The following SCAPER variants were observed in gnomAD, a reference collection of about 807,000 sequenced individuals.
SCAPER encodes the protein S-phase cyclin A associated protein in the ER.
Under a neutral mutation model 182.2 loss-of-function variants are expected in SCAPER, and 98 were observed. The ratio of observed to expected loss-of-function variants is 0.54; its 90% CI spans 0.46 to 0.64. The LOEUF (loss-of-function observed/expected upper bound fraction) is 0.64. SCAPER is among the 30% of genes least tolerant of loss of function. SCAPER has a pLI of 0.00. For missense variants in SCAPER, 1,432 were observed against 1,690.0 expected (o/e 0.85, Z 2.68); for synonymous variants, 605 against 564.6 (o/e 1.07, Z -1.01).
chr15:76,844,108 G>A (rs1225370199), intron 4 of SCAPER, among the ~76,000 whole-genome samples: 2 of 152,030 alleles, frequency 1.3e-5, no homozygotes, highest in African/African-American at 4.8e-5. Flanking sequence ...ATTCTTAATC[G>A]GGTAACTATA....
chr15:76,424,170 A>G (rs1000580477), intron 26 of SCAPER, among the ~76,000 whole-genome samples: 1 of 152,088 alleles, frequency 6.6e-6, no homozygotes, highest in Non-Finnish European at 1.5e-5. Context: ...ATTCCTGGAT[A>G]TCCTTGTTAA....
At chr15:76,717,253 T>C (rs935531382) in intron 17 of SCAPER, among the ~76,000 whole-genome samples, 1 of 151,336 alleles carries the variant, frequency 6.6e-6, no homozygotes, top group Non-Finnish European at 1.5e-5. Flanking sequence ...GTTGAAGGAA[T>C]TCACTGACAC....
chr15:76,800,409 G>C, intron 6 of SCAPER, 45 bp from the exon 7 acceptor site: 2 of 1,206,770 alleles, frequency 1.7e-6, no homozygotes, highest in Non-Finnish European at 2.4e-6. Flanking sequence ...CAGAGAAAAG[G>C]GAGAAACAAA....
intron 8 of SCAPER, among the ~76,000 whole-genome samples, chr15:76,790,897 A>G (rs566362208): frequency 1.8e-4 from 27 of 152,296 alleles, no homozygotes; most frequent in African/African-American, 6.3e-4. Flanking sequence ...CAAAGAGTGA[A>G]TTTTAGCTTT....
At chr15:76,630,865 TTGA>T (rs910789850) in intron 21 of SCAPER, among the ~76,000 whole-genome samples, 2 of 152,190 alleles carry the variant, frequency 1.3e-5, no homozygotes, top group African/African-American at 4.8e-5. Context: ...ATTTTCTGTC[TTGA>T]TGATCTGTCT....
At chr15:76,587,804 T>C (rs952244803) in intron 22 of SCAPER, among the ~76,000 whole-genome samples, 1 of 152,208 alleles carries the variant, frequency 6.6e-6, no homozygotes. Context: ...TTCTAGGATA[T>C]AGTTTAAATA....
At chr15:76,592,508 TA>T (rs1297872788) in intron 22 of SCAPER, among the ~76,000 whole-genome samples, 2 of 122,624 alleles carry the variant, frequency 1.6e-5, no homozygotes, top group Non-Finnish European at 4.0e-5. Context: ...TGGTCCTTTC[TA>T]AAAAAATGTT....
intron 21 of SCAPER, among the ~76,000 whole-genome samples, chr15:76,632,280 G>C (rs925512390): frequency 6.6e-6 from 1 of 151,814 alleles, no homozygotes; most frequent in African/African-American, 2.4e-5. Context: ...ACCTCCACCT[G>C]CTGGGTTCAA....
chr15:76,593,691 G>A (rs1597572047), intron 22 of SCAPER, among the ~76,000 whole-genome samples: 1 of 121,794 alleles, frequency 8.2e-6, no homozygotes, highest in South Asian at 2.5e-4. Context: ...AGGATCTGGA[G>A]TGGACCTCCA....
At chr15:76,552,387 C>G (rs1242713344) in intron 23 of SCAPER, among the ~76,000 whole-genome samples, 1 of 152,134 alleles carries the variant, frequency 6.6e-6, no homozygotes. Context: ...CTGGCACACT[C>G]TGAGCAGATC....
At chr15:76,401,755 A>T (rs1293295628) in intron 27 of SCAPER, among the ~76,000 whole-genome samples, 1 of 152,184 alleles carries the variant, frequency 6.6e-6, no homozygotes, top group Non-Finnish European at 1.5e-5. Flanking sequence ...CTAAAAGCAG[A>T]CCCTGAAAAA....
At chr15:76,711,531 T>C (rs1232184156) in intron 17 of SCAPER, among the ~76,000 whole-genome samples, 2 of 152,122 alleles carry the variant, frequency 1.3e-5, no homozygotes, top group Non-Finnish European at 2.9e-5. Context: ...CACCAAATGG[T>C]GTCAAGGGTT....
chr15:76,733,461 C>T (rs1366298590), intron 15 of SCAPER, 77 bp from the exon 16 acceptor site: 36 of 1,516,230 alleles, frequency 2.4e-5, no homozygotes, highest in Non-Finnish European at 3.1e-5. Context: ...AATCTAACAA[C>T]AGTCAGGCTG....
chr15:76,726,036 T>G (rs996919531), intron 17 of SCAPER, among the ~76,000 whole-genome samples: 1 of 146,910 alleles, frequency 6.8e-6, no homozygotes, highest in Non-Finnish European at 1.5e-5. Flanking sequence ...TGTTCTTCAA[T>G]AGACAATATC....
intron 26 of SCAPER, among the ~76,000 whole-genome samples, chr15:76,420,708 T>G (rs1016384284): frequency 3.9e-5 from 6 of 152,158 alleles, no homozygotes; most frequent in Admixed American, 3.9e-4. Flanking sequence ...GCCATGTTGG[T>G]GTGCTGCACC....
chr15:76,608,196 G>T (rs1567584797), intron 22 of SCAPER, among the ~76,000 whole-genome samples: 1 of 151,946 alleles, frequency 6.6e-6, no homozygotes, highest in Non-Finnish European at 1.5e-5. Context: ...TGGGTTTTTG[G>T]TGTGGATGTT....
chr15:76,897,394 A>G (rs1048702567), intron 1 of SCAPER, among the ~76,000 whole-genome samples: 21 of 146,858 alleles, frequency 1.4e-4, no homozygotes, highest in African/African-American at 3.5e-4. Flanking sequence ...TCCAAAGAGG[A>G]AAAAAAAAAA....
chr15:76,867,997 T>G (rs182519037), intron 2 of SCAPER, among the ~76,000 whole-genome samples: 2 of 151,998 alleles, frequency 1.3e-5, no homozygotes, highest in African/African-American at 4.8e-5. Flanking sequence ...GCCAGATGCA[T>G]AGGATCTAGC....
chr15:76,761,374 G>A (rs1346665421), intron 14 of SCAPER, among the ~76,000 whole-genome samples: 1 of 151,876 alleles, frequency 6.6e-6, no homozygotes, highest in Non-Finnish European at 1.5e-5. Context: ...GTAACTTTGG[G>A]GTTAGTTTTG....
Sources: allele counts gnomAD v4.1 joint callset (sites outside exome capture counted in the v4.1 genomes callset), GRCh38; gene constraint gnomAD v4.1.1; transcripts MANE v1.5; gene names NCBI Gene and HGNC (gene_info 2026-07-23, HGNC 2026-07-21).